The following ATP6V0D2 variants were observed in gnomAD, a reference collection of about 807,000 sequenced individuals.
ATP6V0D2 encodes the protein ATPase H+ transporting V0 subunit d2.
A neutral mutation model predicts 40.0 loss-of-function variants in ATP6V0D2; 40 were observed. The ratio of observed to expected loss-of-function variants is 1.00; its 90% confidence interval spans 0.78 to 1.30. The LOEUF (loss-of-function observed/expected upper bound fraction) is 1.30, where lower values mean the gene tolerates loss of function less well. Ranked by LOEUF, ATP6V0D2 falls within the 50% of genes most tolerant of loss-of-function variation. ATP6V0D2 has a pLI of 0.00. For synonymous variants in ATP6V0D2, 179 were observed against 156.3 expected, an observed-to-expected ratio of 1.15 and a Z score of -1.08; for missense variants, 470 against 423.1, an observed-to-expected ratio of 1.11 and a Z score of -0.97.
chr8:86,146,642 G>T (rs1054521096), intron 5 of ATP6V0D2, among the ~76,000 whole-genome samples: 1 of 152,102 alleles, frequency 6.6e-6, no homozygotes, highest in African/African-American at 2.4e-5. Flanking sequence ...GTTACAGTGA[G>T]CCATAAGCCA....
At chr8:86,104,019 G>T (rs1818435542) in intron 1 of ATP6V0D2, among the ~76,000 whole-genome samples, 1 of 151,788 alleles carries the variant, frequency 6.6e-6, no homozygotes, top group Non-Finnish European at 1.5e-5. Flanking sequence ...TAGAGATGGG[G>T]TCTCACCATG....
chr8:86,102,555 A>C (rs939364880), intron 1 of ATP6V0D2, among the ~76,000 whole-genome samples: 4 of 152,246 alleles, frequency 2.6e-5, no homozygotes, highest in Admixed American at 6.5e-5. Flanking sequence ...GTGTTCTGAT[A>C]GCAACAAATT....
At chr8:86,101,210 G>A (rs952929847) in intron 1 of ATP6V0D2, among the ~76,000 whole-genome samples, 1 of 150,930 alleles carries the variant, frequency 6.6e-6, no homozygotes, top group Non-Finnish European at 1.5e-5. Flanking sequence ...TGTAATCCTA[G>A]CATTTTGAAA....
intron 2 of ATP6V0D2, among the ~76,000 whole-genome samples, chr8:86,134,979 G>A (rs1372061728): frequency 6.7e-6 from 1 of 148,876 alleles, no homozygotes; most frequent in East Asian, 2.1e-4. Context: ...TCAGAAAATG[G>A]CAAAATTATA....
Position 86,141,459 on chromosome 8 carries a change from T to C in ATP6V0D2, c.491T>C (p.Phe164Ser). The change falls in exon 4 of 8, where the codon TTC (phenylalanine) becomes TCC (serine). Residue 164 changes from phenylalanine (F) to serine (S), a missense_variant. Physicochemically the swap from Phe to Ser is radical, Grantham distance 155. Coordinates refer to ENST00000285393, the MANE Select transcript of ATP6V0D2 (RefSeq NM_152565.1). ...CAATTTCTGCTTTCAGCTCCATTCT[T>C]CCAAGACTGCATGTCTGAAAATGCT... is the stretch of plus-strand genomic sequence containing the variant. ...ILIETPLAPF[F>S]QDCMSENALD... 1.2e-6 allele frequency: 2 copies of C among 1,610,736 alleles called. No individual in the cohort carries two copies. The highest frequency in any genetic ancestry group is 8.5e-7 in the Non-Finnish European group (1 of 1,178,268).
chr8:86,150,079 T>C (rs941995780), intron 5 of ATP6V0D2, 33 bp from the exon 6 acceptor site: 2 of 1,597,860 alleles, frequency 1.3e-6, no homozygotes, highest in African/African-American at 1.3e-5. Context: ...TAGCAGTTTA[T>C]TAGATTTTAC....
chr8:86,134,812 T>C (rs1818876471), intron 2 of ATP6V0D2, among the ~76,000 whole-genome samples: 1 of 152,160 alleles, frequency 6.6e-6, no homozygotes, highest in Admixed American at 6.5e-5. Context: ...TACACTGTGG[T>C]ATATCAATAC....
At chr8:86,150,439 C>G in intron 6 of ATP6V0D2, 151 bp downstream of exon 6, 1 of 818,492 alleles carries the variant, frequency 1.2e-6, no homozygotes, top group Admixed American at 2.9e-5. Flanking sequence ...GCAATCTCTC[C>G]CTAAGAAACA....
intron 7 of ATP6V0D2, 91 bp downstream of exon 7, chr8:86,151,631 A>T: frequency 1.0e-6 from 1 of 960,848 alleles, no homozygotes. Context: ...TTTACAGCTG[A>T]TCATGCCAAT....
In ATP6V0D2 at chr8:86,151,557, A is replaced by C; in HGVS notation, c.891+17A>C. 6.3e-7 allele frequency: 1 copy of C among 1,574,814 alleles called. No individual in the cohort carries two copies. Among genetic ancestry groups the C allele is most frequent in the Non-Finnish European group, 8.6e-7 (1 of 1,157,058 alleles). On this transcript the variant is annotated intron_variant, in intron 7 of 7. Coordinates refer to ENST00000285393, the MANE Select transcript of ATP6V0D2 (RefSeq NM_152565.1). ...GAGCGTGAGGTATGATATAAGTGGA[A>C]ATACTATTAGCTTATTTTTCTCTTA...
chr8:86,147,131 T>C (rs1426767859), intron 5 of ATP6V0D2, among the ~76,000 whole-genome samples: 1 of 152,196 alleles, frequency 6.6e-6, no homozygotes, highest in Non-Finnish European at 1.5e-5. Flanking sequence ...AATATGTTTG[T>C]TTGATCTCTA....
At chr8:86,144,398 T>TA (rs1368610096) in intron 5 of ATP6V0D2, among the ~76,000 whole-genome samples, 1 of 152,214 alleles carries the variant, frequency 6.6e-6, no homozygotes, top group Non-Finnish European at 1.5e-5. Context: ...ATCATTACAT[T>TA]ATCTGGTACA....
chr8:86,152,729 A>T (rs1819174441), intron 7 of ATP6V0D2, 87 bp from the exon 8 acceptor site: 4 of 1,373,790 alleles, frequency 2.9e-6, no homozygotes, highest in Non-Finnish European at 3.9e-6. Context: ...TAAGCACTGC[A>T]CAAGTTCAAG....
At chr8:86,125,577 A>G (rs1477188218) in intron 2 of ATP6V0D2, among the ~76,000 whole-genome samples, 3 of 152,178 alleles carry the variant, frequency 2.0e-5, no homozygotes. Context: ...CAGCAACCCT[A>G]TGGAGTGGTA....
chr8:86,115,755 AAT>A (rs1433322379), intron 2 of ATP6V0D2, among the ~76,000 whole-genome samples: 1 of 152,132 alleles, frequency 6.6e-6, no homozygotes, highest in African/African-American at 2.4e-5. Flanking sequence ...AGAATATCCA[AAT>A]ATACTTGCTG....
At chr8:86,144,982 C>T (rs1819027309) in intron 5 of ATP6V0D2, among the ~76,000 whole-genome samples, 2 of 132,220 alleles carry the variant, frequency 1.5e-5, no homozygotes, top group Admixed American at 1.6e-4. Context: ...TGGTGAAACC[C>T]TGTCTCTACT....
intron 2 of ATP6V0D2, among the ~76,000 whole-genome samples, chr8:86,137,500 C>T (rs1386117353): frequency 6.6e-6 from 1 of 152,146 alleles, no homozygotes; most frequent in Non-Finnish European, 1.5e-5. Context: ...TAAACTAACC[C>T]CTCCTGACCC....
chr8:86,107,319 T>C (rs1303785536), intron 1 of ATP6V0D2, among the ~76,000 whole-genome samples: 1 of 152,130 alleles, frequency 6.6e-6, no homozygotes, highest in Non-Finnish European at 1.5e-5. Flanking sequence ...GTATATCAGT[T>C]AGGCTGCAAT....
intron 3 of ATP6V0D2, 52 bp from the exon 4 acceptor site, chr8:86,141,398 C>G: frequency 7.1e-7 from 1 of 1,400,924 alleles, no homozygotes. Flanking sequence ...TTTTCTACAG[C>G]TTATAATCTT....
Sources: gnomAD v4.1 joint callset for allele counts (sites outside exome capture counted in the v4.1 genomes callset) on GRCh38, gnomAD v4.1.1 for gene constraint, MANE v1.5 for transcripts, NCBI Gene and HGNC (gene_info 2026-07-23, HGNC 2026-07-21) for gene names.